Variants in LAMA4 observed in about 807,000 individuals in gnomAD.
The protein encoded by LAMA4 is laminin subunit alpha-4.
A neutral mutation model predicts 207.1 loss-of-function variants in LAMA4; 127 were observed. The observed-to-expected ratio is 0.61, with a 90% CI of 0.53 to 0.71. The LOEUF (loss-of-function observed/expected upper bound fraction) is 0.71. Ranked by LOEUF, LAMA4 falls within the 30% of genes least tolerant of loss-of-function variation. The probability of loss-of-function intolerance (pLI) is 0.00; values close to 1 mark genes in which losing one functional copy is unlikely to be tolerated. For missense variants in LAMA4, 2,093 were observed against 2,246.5 expected, an observed-to-expected ratio of 0.93 and a Z score of 1.38; for synonymous variants, 761 against 816.0, an observed-to-expected ratio of 0.93 and a Z score of 1.15.
intron 38 of LAMA4, among the ~76,000 whole-genome samples, chr6:112,112,718 A>G (rs1554322024): frequency 6.6e-6 from 1 of 152,184 alleles, no homozygotes; most frequent in Non-Finnish European, 1.5e-5. Context: ...CCGGGTTACT[A>G]TTATTGTCAA....
chr6:112,238,171 T>C (rs1554366722), intron 2 of LAMA4, among the ~76,000 whole-genome samples: 2 of 152,212 alleles, frequency 1.3e-5, no homozygotes, highest in East Asian at 3.8e-4. Context: ...GAATGTTCCT[T>C]CTATATCCTT....
In LAMA4 at chr6:112,144,932, T is replaced by C. The variant is rs1272905478; in HGVS notation, c.2355A>G (p.Val785=). ...NTAVNSARDA[V]RNLTEVVPQL... is the part of the protein sequence containing the mutation. ...GAGGGACAACCTCGGTCAGATTTCTTACTGCAGTTAATAAAAATTAATCAT... is the reference window on the plus strand; with the variant it reads ...GAGGGACAACCTCGGTCAGATTTCTCACTGCAGTTAATAAAAATTAATCAT... The change falls in exon 19 of 39, where the codon GTA becomes GTG. Residue 785 remains valine (V), a splice_region_variant and synonymous_variant. Transcript: ENST00000230538. 7.4e-6 allele frequency: 12 copies of C among 1,612,792 alleles called. No homozygotes were observed. The highest frequency in any genetic ancestry group is 1.7e-4 in the Middle Eastern group (1 of 5,906).
rs551156559 is a variant in LAMA4, at chr6:112,232,460, A to G, written c.196-15991T>C. On this transcript the variant is annotated intron_variant, in intron 2 of 38. Transcript: ENST00000230538. The stretch of plus-strand genomic sequence containing the variant: ...CCTAATTTCCCTTCCCTAAGATTTC[A>G]TTTTTAGATTTTTGTGAAATACTAT... 3.3e-5 allele frequency among the ~76,000 whole-genome samples: 5 copies of G among 152,192 alleles called. No individual in the cohort carries two copies. The South Asian group carries it at 1.0e-3, about 32-fold the overall frequency.
intron 3 of LAMA4, among the ~76,000 whole-genome samples, chr6:112,210,512 T>C (rs1048734406): frequency 5.3e-5 from 8 of 152,174 alleles, no homozygotes; most frequent in Non-Finnish European, 1.2e-4. Context: ...ATATCTCTCA[T>C]GTGCTTGGTC....
intron 36 of LAMA4, among the ~76,000 whole-genome samples, chr6:112,115,616 GTGT>G (rs1169915208): frequency 6.6e-6 from 1 of 152,024 alleles, no homozygotes; most frequent in Non-Finnish European, 1.5e-5. Flanking sequence ...TCTTAAAACT[GTGT>G]TGTTATTAGT....
chr6:112,157,591 G>A (rs1176195323), intron 14 of LAMA4, among the ~76,000 whole-genome samples: 3 of 152,198 alleles, frequency 2.0e-5, no homozygotes, highest in African/African-American at 7.2e-5. Context: ...AAAGCATGTA[G>A]TAACTGTCTT....
In LAMA4 at chr6:112,139,113, T is replaced by C. The variant is rs782506211; in HGVS notation, c.3282+7A>G. 6.2e-7 allele frequency: 1 copy of C among 1,613,280 alleles called. No individual in the cohort carries two copies. The highest frequency in any genetic ancestry group is 1.3e-5 in the African/African-American group (1 of 74,906). Reference sequence around the variant, plus strand: ...GGAGAAGTAGTAGGACTTGTATTTTTACTCACTCCATTGACCATCAGGAGA... The same window carrying C: ...GGAGAAGTAGTAGGACTTGTATTTTCACTCACTCCATTGACCATCAGGAGA... On this transcript the variant is annotated splice_region_variant and intron_variant, in intron 24 of 38. Transcript: ENST00000230538.
Position 112,141,354 on chromosome 6 carries a change from G to A in LAMA4, c.2813+4C>T. On this transcript the variant is annotated splice_donor_region_variant and intron_variant, in intron 21 of 38. Transcript: ENST00000230538. ...ATATGCCCTGTGTCATGGATTCACT[G>A]TACCTTTCAATCTTGACAATGCTGA... 3 of 1,613,986 alleles carry A rather than the reference G, an allele frequency of 1.9e-6. No individual in the cohort carries two copies. Among genetic ancestry groups the A allele is most frequent in the Non-Finnish European group, 1.7e-6 (2 of 1,179,892 alleles).
intron 5 of LAMA4, among the ~76,000 whole-genome samples, chr6:112,195,277 G>C (rs1783347939): frequency 6.6e-6 from 1 of 152,132 alleles, no homozygotes; most frequent in South Asian, 2.1e-4. Context: ...CTATGTAAAT[G>C]CTCTCCACTT....
At chr6:112,160,756 C>G (rs928240721) in intron 13 of LAMA4, among the ~76,000 whole-genome samples, 11 of 152,342 alleles carry the variant, frequency 7.2e-5, no homozygotes, top group African/African-American at 2.2e-4. Flanking sequence ...GCATTTGACT[C>G]CCAGCCCTTT....
chr6:112,152,813 T>C (rs1780477891), intron 16 of LAMA4, among the ~76,000 whole-genome samples: 1 of 152,070 alleles, frequency 6.6e-6, no homozygotes, highest in Non-Finnish European at 1.5e-5. Context: ...GAATTTGCAT[T>C]GCACCCTGCC....
chr6:112,150,566 A>C lies in LAMA4; in HGVS notation c.2118T>G (p.Ser706Arg). 6.2e-7 allele frequency: 1 copy of C among 1,614,048 alleles called. No homozygotes were observed. Among genetic ancestry groups the C allele is most frequent in the African/African-American group, 1.3e-5 (1 of 75,016 alleles). Residue 706 changes from serine to arginine, a missense_variant, in exon 17 of 39, where the codon AGT (serine) becomes AGG (arginine). Ser to Arg is a moderately radical substitution (Grantham distance 110). Coordinates refer to ENST00000230538, the MANE Select transcript of LAMA4 (RefSeq NM_001105206.3). Reference protein sequence around the residue: ...RRVGGALARKSALKTRLSDAV... With the variant: ...RRVGGALARKRALKTRLSDAV... ...CATCACTGAGTCTGGTTTTAAGGGCACTTTTCCTTGCTAGGGCTCCACCCA... is the reference window on the plus strand; with the variant it reads ...CATCACTGAGTCTGGTTTTAAGGGCCCTTTTCCTTGCTAGGGCTCCACCCA...
intron 2 of LAMA4, among the ~76,000 whole-genome samples, chr6:112,231,669 A>G (rs1394856478): frequency 6.6e-6 from 1 of 152,206 alleles, no homozygotes; most frequent in Non-Finnish European, 1.5e-5. Flanking sequence ...AATATACACC[A>G]GCATGTGTGC....
chr6:112,154,753 T>C lies in LAMA4; in HGVS notation c.2056+98A>G, dbSNP rs78527368. On this transcript the variant is annotated intron_variant, in intron 16 of 38. Transcript: ENST00000230538. ...CTGATATGTTATGTAGTTATAATAC[T>C]ATTCTTTAATCCTAGATTTGGAAAT... is the stretch of plus-strand genomic sequence containing the variant. The C allele has an allele frequency of 1.8e-5, 15 of 812,454 alleles. No individual in the cohort carries two copies. The East Asian group carries it at 3.7e-4, about 20-fold the overall frequency. The allele number at this position is 812,454 out of a possible 1,614,324, so 50.3% of individuals were successfully genotyped here. A position where few individuals can be genotyped will look rare whatever the true frequency, so the allele number is the denominator to read the frequency against.
intron 2 of LAMA4, among the ~76,000 whole-genome samples, chr6:112,227,847 G>A (rs1435655415): frequency 6.6e-6 from 1 of 152,090 alleles, no homozygotes; most frequent in Non-Finnish European, 1.5e-5. Context: ...ATTATTTTAT[G>A]CTAGCAGTAA....
At chr6:112,175,950 T>C (rs776608195) in intron 10 of LAMA4, among the ~76,000 whole-genome samples, 23 of 152,236 alleles carry the variant, frequency 1.5e-4, no homozygotes, top group Non-Finnish European at 2.5e-4. Flanking sequence ...GAGTTATTAA[T>C]TGTATTTTAG....
At chr6:112,186,136 GCA>G (rs1782669946) in intron 8 of LAMA4, among the ~76,000 whole-genome samples, 1 of 152,168 alleles carries the variant, frequency 6.6e-6, no homozygotes, top group Non-Finnish European at 1.5e-5. Flanking sequence ...GATATCATTT[GCA>G]CCTCCAAAAA....
At position 112,157,676 on chromosome 6, in the gene LAMA4, G is replaced by A. The variant is rs75718949; in HGVS notation, c.1817+1056C>T. Among the ~76,000 whole-genome samples, 846 of 152,286 alleles carry A rather than the reference G, an allele frequency of 5.6e-3. 12 individuals carry two copies. Among genetic ancestry groups the A allele is most frequent in the African/African-American group, 0.02 (820 of 41,560 alleles). ...GTTATATTTTGGAATCCCAATGAAT[G>A]GGATGTAGGTACAAAATGACAAAAG... On this transcript the variant is annotated intron_variant, in intron 14 of 38. Transcript: ENST00000230538.
intron 38 of LAMA4, among the ~76,000 whole-genome samples, chr6:112,111,759 T>C (rs782391482): frequency 1.1e-4 from 17 of 152,218 alleles, no homozygotes; most frequent in Non-Finnish European, 2.4e-4. Flanking sequence ...AACTAAAGTT[T>C]GCTATTCATT....
Sources: gnomAD v4.1 joint callset for allele counts (sites outside exome capture counted in the v4.1 genomes callset) on GRCh38, gnomAD v4.1.1 for gene constraint, MANE v1.5 for transcripts, NCBI Gene and HGNC (gene_info 2026-07-23, HGNC 2026-07-21) for gene names.